The following SMARCE1 variants were observed in gnomAD, a reference collection of about 807,000 sequenced individuals.
SMARCE1 encodes SWI/SNF related BAF chromatin remodeling complex subunit E1.
Under a neutral mutation model 54.9 loss-of-function variants are expected in SMARCE1, and 13 were observed. The observed-to-expected ratio is 0.24, with a 90% CI of 0.15 to 0.38. SMARCE1 has a LOEUF of 0.38. Ranked by LOEUF, SMARCE1 falls within the 10% of genes least tolerant of loss-of-function variation. SMARCE1 has a pLI of 1.00. For synonymous variants in SMARCE1, 151 were observed against 175.3 expected (o/e 0.86, Z 1.10); for missense variants, 295 against 523.8 (o/e 0.56, Z 4.26).
chr17:40,636,620 A>G (rs112595525), intron 5 of SMARCE1, 94 bp from the exon 6 acceptor site: 20 of 996,400 alleles, frequency 2.0e-5, no homozygotes, highest in African/African-American at 1.6e-4. Flanking sequence ...CAACATACAA[A>G]GCAGAGAAAA....
At chr17:40,632,002 CTA>C in intron 8 of SMARCE1, 191 bp downstream of exon 8, 1 of 570,808 alleles carries the variant, frequency 1.8e-6, no homozygotes, top group South Asian at 2.5e-5. Flanking sequence ...TTACAAGGTT[CTA>C]TATTATAGTT....
intron 7 of SMARCE1, chr17:40,634,698 T>C (rs1217249641): frequency 6.6e-6 from 1 of 152,240 alleles, no homozygotes; most frequent in African/African-American, 2.4e-5. Flanking sequence ...TGAATCTCTT[T>C]AGTCCTTCTC....
intron 1 of SMARCE1, among the ~76,000 whole-genome samples, chr17:40,647,021 CAACT>C (rs1011159856): frequency 1.7e-4 from 26 of 152,154 alleles, no homozygotes; most frequent in African/African-American, 5.8e-4. Flanking sequence ...GGGACCCTGA[CAACT>C]AACATAAGCT....
chr17:40,629,521 A>C, intron 10 of SMARCE1: 1 of 1,225,510 alleles, frequency 8.2e-7, no homozygotes, highest in Non-Finnish European at 1.0e-6. Context: ...GAAATAATAT[A>C]AGGTTGGTCT....
At position 40,645,557 on chromosome 17, in the gene SMARCE1, C is replaced by T. The variant is rs1597751980; in HGVS notation, c.51+19G>A. 6.5e-7 allele frequency: 1 copy of T among 1,543,574 alleles called. No homozygotes were observed. The highest frequency in any genetic ancestry group is 2.4e-5 in the East Asian group (1 of 41,770). On this transcript the variant is annotated intron_variant, in intron 3 of 10. Transcript: ENST00000348513. ...AGGCCAGAGTTGGCTATTACATTAA[C>T]AAGAAAATTAAAACTTACTGTTGCA...
chr17:40,630,583 G>A, intron 10 of SMARCE1, 131 bp downstream of exon 10: 1 of 731,514 alleles, frequency 1.4e-6, no homozygotes, highest in East Asian at 2.5e-5. Context: ...TCAATATCAT[G>A]TCAAATTTAG....
Position 40,628,472 on chromosome 17 carries a change from G to T in SMARCE1, c.*313C>A, listed in dbSNP as rs865935000. ...CCCCAGTGAGCTGTAGGAAGGCATT[G>T]TAAGAGTAGATTCTGCAGCATCAAA... On this transcript the variant is annotated 3_prime_UTR_variant, in exon 11 of 11. Coordinates refer to ENST00000348513, the MANE Select transcript of SMARCE1 (RefSeq NM_003079.5). 2.4e-5 allele frequency: 7 copies of T among 290,850 alleles called. No homozygotes were observed. The highest frequency in any genetic ancestry group is 1.2e-3 in the Middle Eastern group (1 of 848). The allele number at this position is 290,850 out of a possible 1,614,324, so 18.0% of individuals were successfully genotyped here.
Position 40,642,074 on chromosome 17 carries a change from C to A in SMARCE1, c.156+381G>T. The A allele has an allele frequency of 3.4e-6, 1 of 290,764 alleles. No individual in the cohort carries two copies. The highest frequency in any genetic ancestry group is 6.5e-5 in the South Asian group (1 of 15,386). The allele number at this position is 290,764 out of a possible 1,614,324, so 18.0% of individuals were successfully genotyped here. ...CCTGAAAAAGCCAGGTCTGAAAGACCAGCCTCTACTAGAAACTCAATCCTT... is the reference window on the plus strand; with the variant it reads ...CCTGAAAAAGCCAGGTCTGAAAGACAAGCCTCTACTAGAAACTCAATCCTT... On this transcript the variant is annotated intron_variant, in intron 4 of 10. Transcript: ENST00000348513. The surrounding 1 kb of genome is among the most constrained non-coding windows in gnomAD (Gnocchi z 4.6).
chr17:40,639,117 T>C (rs571716946), intron 4 of SMARCE1, among the ~76,000 whole-genome samples: 6 of 152,138 alleles, frequency 3.9e-5, no homozygotes, highest in Admixed American at 6.5e-5. Context: ...TGGCCAGCAG[T>C]GGGTAAGAGA....
At chr17:40,635,817 A>T in intron 7 of SMARCE1, 114 bp downstream of exon 7, 1 of 776,264 alleles carries the variant, frequency 1.3e-6, no homozygotes, top group Non-Finnish European at 1.9e-6. Flanking sequence ...GACGATACTT[A>T]AATTATACTT....
In SMARCE1 at chr17:40,645,794, A is replaced by G; in HGVS notation, c.7+2T>C. ...TTGATAAATATAAAAATTGAAACTT[A>G]CTTGACATTTTGGAAGATTAAGTTC... On this transcript the variant is annotated splice_donor_variant, in intron 2 of 10. Transcript: ENST00000348513. LOFTEE classifies it high-confidence loss of function. 1 of 1,180,388 alleles carries G rather than the reference A, an allele frequency of 8.5e-7. No individual in the cohort carries two copies. The allele number at this position is 1,180,388 out of a possible 1,614,324, so 73.1% of individuals were successfully genotyped here. A position where few individuals can be genotyped will look rare whatever the true frequency, so the allele number is the denominator to read the frequency against.
chr17:40,630,828 T>C lies in SMARCE1; in HGVS notation c.913A>G (p.Lys305Glu), dbSNP rs2143984936. 1 of 1,614,006 alleles carries C rather than the reference T, an allele frequency of 6.2e-7. No individual in the cohort carries two copies. The highest frequency in any genetic ancestry group is 2.2e-5 in the East Asian group (1 of 44,876). ...QARKRQEERE[K>E]EAAEQAERSQ... ...CGCTCAGCTTGCTCTGCGGCCTCCT[T>C]CTCCCTTTCCTCCTGCCTTTTGCGG... Residue 305 changes from lysine to glutamate, a missense_variant, in exon 10 of 11, where the codon AAG becomes GAG. This residue lies in a region of SMARCE1 where 147 missense variants were observed against 161.4 expected (regional missense o/e 0.91). Transcript: ENST00000348513.
At chr17:40,629,015 T>C (rs545129086) in intron 10 of SMARCE1, 22 bp from the exon 11 acceptor site, 1 of 1,599,224 alleles carries the variant, frequency 6.3e-7, no homozygotes, top group Admixed American at 1.7e-5. Flanking sequence ...CATTTGTCAC[T>C]GTCAGTTCCA....
rs2037058379 is a variant in SMARCE1 at position 40,628,688 on chromosome 17, G to GA, written c.*96dup. On this transcript the variant is annotated 3_prime_UTR_variant, in exon 11 of 11. Coordinates refer to ENST00000348513, the MANE Select transcript of SMARCE1 (RefSeq NM_003079.5). ...GCCTTTGGTGGTGTGATATGGACAA[G>GA]AAAAAAAATTAATACACAAACCACG... 2.5e-5 allele frequency: 25 copies of GA among 993,796 alleles called. No homozygotes were observed. The highest frequency in any genetic ancestry group is 3.5e-5 in the Non-Finnish European group (23 of 653,126). 61.6% of individuals were successfully genotyped at this position (993,796 alleles called of 1,614,324 possible).
intron 7 of SMARCE1, chr17:40,633,572 G>A (rs2037117383): frequency 6.6e-6 from 1 of 152,176 alleles, no homozygotes; most frequent in Non-Finnish European, 1.5e-5. Flanking sequence ...TGTTACAGGG[G>A]AAACCCTGTT....
At chr17:40,639,072 C>G (rs1474351149) in intron 4 of SMARCE1, among the ~76,000 whole-genome samples, 1 of 152,248 alleles carries the variant, frequency 6.6e-6, no homozygotes, top group East Asian at 1.9e-4. Flanking sequence ...CTTGTCACAC[C>G]TCATGCTAGT....
chr17:40,646,905 TGA>T (rs2037263376), intron 1 of SMARCE1, among the ~76,000 whole-genome samples: 1 of 152,218 alleles, frequency 6.6e-6, no homozygotes, highest in Non-Finnish European at 1.5e-5. Flanking sequence ...TGGTCCAACC[TGA>T]GTCTTTCCCT....
chr17:40,625,004 T>C lies in SMARCE1; in HGVS notation c.*3781A>G, dbSNP rs2143973719. 1 of 152,344 alleles carries C rather than the reference T, an allele frequency of 6.6e-6. No individual in the cohort carries two copies. The highest frequency in any genetic ancestry group is 2.1e-4 in the South Asian group (1 of 4,834). The allele number at this position is 152,344 out of a possible 1,614,324, so 9.4% of individuals were successfully genotyped here. On this transcript the variant is annotated 3_prime_UTR_variant, in exon 11 of 11. Transcript: ENST00000348513. ...TTTAATCAGCGTTTGGCTAACAATA[T>C]GAGATAAACTATTAGAGAAGTGTAG... is the stretch of plus-strand genomic sequence containing the variant.
intron 4 of SMARCE1, chr17:40,641,575 A>G (rs2037200493): frequency 6.6e-6 from 1 of 152,280 alleles, no homozygotes; most frequent in Non-Finnish European, 1.5e-5. Flanking sequence ...AGGTATTAAA[A>G]ACTTTACAGC....
Sources: allele counts gnomAD v4.1 joint callset (sites outside exome capture counted in the v4.1 genomes callset), GRCh38; gene constraint gnomAD v4.1.1; regional missense constraint gnomAD v4.1.1; non-coding constraint Gnocchi (gnomAD v3.1); transcripts MANE v1.5; gene names NCBI Gene and HGNC (gene_info 2026-07-23, HGNC 2026-07-21).